ME1: variants seen among roughly 807,000 people sequenced by gnomAD.
ME1 encodes the protein malic enzyme 1.
In ME1, 74 loss-of-function variants were observed where a neutral mutation model predicts 66.4. The ratio of observed to expected loss-of-function variants is 1.11; its 90% CI spans 0.92 to 1.35. The LOEUF (loss-of-function observed/expected upper bound fraction) is 1.35. Among genes scored for constraint, ME1 ranks in the 40% most tolerant of loss-of-function variants. ME1 has a pLI of 0.00. For missense variants in ME1, 750 were observed against 694.1 expected (o/e 1.08, Z -0.90); for synonymous variants, 251 against 235.6 (o/e 1.07, Z -0.60).
At chr6:83,332,773 T>C (rs1191330212) in intron 5 of ME1, among the ~76,000 whole-genome samples, 1 of 151,950 alleles carries the variant, frequency 6.6e-6, no homozygotes, top group African/African-American at 2.4e-5. Context: ...GGGTAGGAGG[T>C]AGGTAAAGGA....
At chr6:83,357,157 G>T (rs1301427173) in intron 3 of ME1, among the ~76,000 whole-genome samples, 1 of 152,150 alleles carries the variant, frequency 6.6e-6, no homozygotes, top group African/African-American at 2.4e-5. Flanking sequence ...AAGTGATGCT[G>T]GCTTCTTCTC....
intron 5 of ME1, among the ~76,000 whole-genome samples, chr6:83,324,347 C>T (rs1245954052): frequency 6.6e-6 from 1 of 151,170 alleles, no homozygotes; most frequent in African/African-American, 2.4e-5. Flanking sequence ...CAGAGCAGAA[C>T]TGAAGGAGAT....
intron 5 of ME1, among the ~76,000 whole-genome samples, chr6:83,319,587 C>T (rs1768114316): frequency 6.6e-6 from 1 of 152,110 alleles, no homozygotes; most frequent in African/African-American, 2.4e-5. Context: ...AGTCAGGAAG[C>T]AGACTGAGAA....
intron 3 of ME1, among the ~76,000 whole-genome samples, chr6:83,387,878 A>G (rs1032152966): frequency 6.6e-6 from 1 of 152,116 alleles, no homozygotes; most frequent in Admixed American, 6.6e-5. Context: ...ATCAAAACAG[A>G]TACCATTCGT....
chr6:83,429,702 A>G (rs1427861554), intron 1 of ME1, among the ~76,000 whole-genome samples: 1 of 135,792 alleles, frequency 7.4e-6, no homozygotes, highest in Non-Finnish European at 1.6e-5. Context: ...ACACACACAA[A>G]AAAAATCACT....
At chr6:83,393,225 G>T (rs1224587144) in intron 3 of ME1, 1 of 1,134,728 alleles carries the variant, frequency 8.8e-7, no homozygotes, top group Non-Finnish European at 1.3e-6. Context: ...AGGCATCCTG[G>T]GCTACTCTGA....
chr6:83,349,002 C>T (rs9350979), intron 4 of ME1, among the ~76,000 whole-genome samples: 1 of 122,034 alleles, frequency 8.2e-6, no homozygotes, highest in African/African-American at 3.4e-5. Context: ...AAAAAAAAAA[C>T]AAAAAACAAA....
At chr6:83,216,641 T>C (rs1358946997) in intron 12 of ME1, 45 bp from the exon 13 acceptor site, 1 of 1,300,256 alleles carries the variant, frequency 7.7e-7, no homozygotes, top group Non-Finnish European at 1.1e-6. Context: ...CTTCACACGA[T>C]ACAATGTGGT....
At chr6:83,281,806 CA>C (rs140157932) in intron 6 of ME1, among the ~76,000 whole-genome samples, 48 of 13,276 alleles carry the variant, frequency 3.6e-3, no homozygotes, top group African/African-American at 5.6e-3. Context: ...ACTCTGTCTC[CA>C]AAAAAAAAAA....
intron 11 of ME1, among the ~76,000 whole-genome samples, chr6:83,225,340 T>G (rs936031591): frequency 5.9e-5 from 9 of 151,338 alleles, no homozygotes; most frequent in Non-Finnish European, 1.3e-4. Context: ...GGCTTCAAAG[T>G]AGGAATCAGA....
chr6:83,373,217 C>A (rs1045479630), intron 3 of ME1, among the ~76,000 whole-genome samples: 1 of 150,724 alleles, frequency 6.6e-6, no homozygotes, highest in Non-Finnish European at 1.5e-5. Flanking sequence ...ACCACCAAAC[C>A]AAGCATTTTT....
In ME1 at chr6:83,346,121, T is replaced by C. The variant is rs1050990292; in HGVS notation, c.600+52A>G. The C allele has an allele frequency of 3.0e-6, 4 of 1,340,850 alleles. No individual in the cohort carries two copies. In the Admixed American group the frequency reaches 7.3e-5, roughly 25 times the overall value. 83.1% of individuals were successfully genotyped at this position (1,340,850 alleles called of 1,614,324 possible). On this transcript the variant is annotated intron_variant, in intron 5 of 13. Transcript: ENST00000369705. ...CTGGAATAAGTTCAAAATGCAAGAA[T>C]TGATGCCATTTTTAAAGGTACATAG...
At chr6:83,366,988 T>C (rs1583403570) in intron 3 of ME1, among the ~76,000 whole-genome samples, 2 of 152,146 alleles carry the variant, frequency 1.3e-5, no homozygotes, top group South Asian at 4.1e-4. Flanking sequence ...TATTACAAAA[T>C]GTATTTCTTA....
At chr6:83,327,385 A>T (rs1194876199) in intron 5 of ME1, among the ~76,000 whole-genome samples, 1 of 152,226 alleles carries the variant, frequency 6.6e-6, no homozygotes, top group African/African-American at 2.4e-5. Context: ...GAGAAATATC[A>T]CCGAATTCTT....
intron 9 of ME1, among the ~76,000 whole-genome samples, chr6:83,233,351 T>C (rs913856271): frequency 2.0e-5 from 3 of 152,242 alleles, no homozygotes; most frequent in African/African-American, 2.4e-5. Context: ...TTATGTTTAT[T>C]ACTATAAAGT....
In ME1 at chr6:83,331,182, C is replaced by T. The variant is rs1768401374; in HGVS notation, c.600+14991G>A. On this transcript the variant is annotated intron_variant, in intron 5 of 13. Coordinates refer to ENST00000369705, the MANE Select transcript of ME1 (RefSeq NM_002395.6). ...GCCCCCAAATTCATATGTTGAATCC[C>T]TAATCCCAGTACCTCAGAATGTGAC... 2.0e-5 allele frequency among the ~76,000 whole-genome samples: 3 copies of T among 152,182 alleles called. No homozygotes were observed. In the South Asian group the frequency reaches 6.2e-4, roughly 32 times the overall value.
At chr6:83,319,688 A>C (rs1441119810) in intron 5 of ME1, among the ~76,000 whole-genome samples, 1 of 152,202 alleles carries the variant, frequency 6.6e-6, no homozygotes, top group Non-Finnish European at 1.5e-5. Flanking sequence ...CAAAACCAAA[A>C]GCCCAAAAAA....
chr6:83,296,529 G>A (rs1767600764), intron 6 of ME1, among the ~76,000 whole-genome samples: 1 of 152,110 alleles, frequency 6.6e-6, no homozygotes, highest in Admixed American at 6.6e-5. Flanking sequence ...AAAATAATAA[G>A]AGCCATCTAT....
chr6:83,252,983 T>C (rs73749769), intron 7 of ME1, among the ~76,000 whole-genome samples: 17,585 of 152,132 alleles, frequency 0.12, 1,185 homozygotes, highest in African/African-American at 0.18. Flanking sequence ...TGGAAGCCAT[T>C]TGCAATCTCA....
Sources: allele counts gnomAD v4.1 joint callset (sites outside exome capture counted in the v4.1 genomes callset), GRCh38; gene constraint gnomAD v4.1.1; transcripts MANE v1.5; gene names NCBI Gene and HGNC (gene_info 2026-07-23, HGNC 2026-07-21).